Variants in PHLPP1 observed in about 807,000 individuals in gnomAD.
PHLPP1 encodes the protein PH domain leucine-rich repeat-containing protein phosphatase 1.
Under a neutral mutation model 117.2 loss-of-function variants are expected in PHLPP1, and 42 were observed. The observed-to-expected ratio is 0.36, with a 90% confidence interval of 0.28 to 0.46. The LOEUF (loss-of-function observed/expected upper bound fraction) is 0.46, where lower values mean the gene tolerates loss of function less well. PHLPP1 is among the 20% of genes least tolerant of loss of function. PHLPP1 has a pLI of 1.00. For missense variants in PHLPP1, 2,084 were observed against 2,241.9 expected (o/e 0.93, Z 1.42); for synonymous variants, 1,042 against 970.7 (o/e 1.07, Z -1.37).
Position 62,748,250 on chromosome 18 carries a change from T to G in PHLPP1, c.1576+30991T>G, listed in dbSNP as rs574149103. On this transcript the variant is annotated intron_variant, in intron 1 of 16. Transcript: ENST00000262719. Reference sequence around the variant, plus strand: ...AATTCAGGATAGGGTTTTTTTTGTTTTTTTTTTTTTTGAGATGAGGGTATC... The same window carrying G: ...AATTCAGGATAGGGTTTTTTTTGTTGTTTTTTTTTTTGAGATGAGGGTATC... 1.0e-3 allele frequency among the ~76,000 whole-genome samples: 154 copies of G among 151,054 alleles called. 1 individual carries two copies. The highest frequency in any genetic ancestry group is 3.5e-3 in the African/African-American group (144 of 41,158).
At chr18:62,894,722 T>A (rs1237111831) in intron 4 of PHLPP1, among the ~76,000 whole-genome samples, 1 of 152,224 alleles carries the variant, frequency 6.6e-6, no homozygotes, top group African/African-American at 2.4e-5. Flanking sequence ...CTAATTGAGA[T>A]ACTGCTAGAA....
intron 10 of PHLPP1, among the ~76,000 whole-genome samples, chr18:62,922,984 C>T (rs1033800464): frequency 6.6e-6 from 1 of 152,120 alleles, no homozygotes; most frequent in African/African-American, 2.4e-5. Context: ...GTGCAATTCC[C>T]AAACGGTACC....
intron 1 of PHLPP1, among the ~76,000 whole-genome samples, chr18:62,816,655 A>G (rs1914284517): frequency 1.3e-5 from 2 of 152,172 alleles, no homozygotes; most frequent in South Asian, 4.1e-4. Flanking sequence ...GTCTTTTGAA[A>G]TCTTTGCCAA....
intron 1 of PHLPP1, among the ~76,000 whole-genome samples, chr18:62,766,104 A>ATATATATATAT (rs1289379653): frequency 1.2e-4 from 5 of 40,978 alleles, no homozygotes; most frequent in African/African-American, 2.7e-4. Context: ...TATATATATA[A>ATATATATATAT]AATATATATA....
At chr18:62,932,071 A>G (rs556553837) in intron 10 of PHLPP1, among the ~76,000 whole-genome samples, 5 of 152,244 alleles carry the variant, frequency 3.3e-5, no homozygotes, top group African/African-American at 1.2e-4. Context: ...TTGAACCAGG[A>G]AGAAATCAAA....
intron 1 of PHLPP1, among the ~76,000 whole-genome samples, chr18:62,734,011 A>C (rs973340212): frequency 6.6e-6 from 1 of 152,208 alleles, no homozygotes. Flanking sequence ...TGGGTTAAGC[A>C]AATATTCGTT....
At chr18:62,770,173 T>G (rs1479828638) in intron 1 of PHLPP1, among the ~76,000 whole-genome samples, 2 of 152,212 alleles carry the variant, frequency 1.3e-5, no homozygotes, top group African/African-American at 4.8e-5. Context: ...TGCACTGGCA[T>G]GATCTTGGCT....
At chr18:62,802,759 C>A (rs904655525) in intron 1 of PHLPP1, among the ~76,000 whole-genome samples, 1 of 151,516 alleles carries the variant, frequency 6.6e-6, no homozygotes, top group African/African-American at 2.4e-5. Context: ...GAGCGTGGAA[C>A]TTACTTGGGC....
chr18:62,760,023 A>G (rs548160655), intron 1 of PHLPP1, among the ~76,000 whole-genome samples: 9 of 152,054 alleles, frequency 5.9e-5, no homozygotes, highest in Non-Finnish European at 1.3e-4. Flanking sequence ...TTGTCTTTGT[A>G]TTTCTGTTTC....
intron 3 of PHLPP1, among the ~76,000 whole-genome samples, chr18:62,857,110 GAAA>G (rs35250084): frequency 0.98 from 149,184 of 152,152 alleles, 73,198 homozygotes; most frequent in East Asian, 1. Context: ...GAATGAAAAT[GAAA>G]AAAAGTACAA....
At chr18:62,920,815 C>T (rs1909442116) in intron 10 of PHLPP1, among the ~76,000 whole-genome samples, 1 of 152,198 alleles carries the variant, frequency 6.6e-6, no homozygotes, top group South Asian at 2.1e-4. Flanking sequence ...CCCACCTTGG[C>T]CTCCCAAAAT....
chr18:62,751,407 C>A (rs901069873), intron 1 of PHLPP1, among the ~76,000 whole-genome samples: 7 of 152,224 alleles, frequency 4.6e-5, no homozygotes, highest in African/African-American at 1.7e-4. Context: ...CAACTTCCTC[C>A]TGCAATGTTT....
At chr18:62,811,718 T>C (rs1451084247) in intron 1 of PHLPP1, among the ~76,000 whole-genome samples, 2 of 152,162 alleles carry the variant, frequency 1.3e-5, no homozygotes, top group Admixed American at 6.5e-5. Context: ...AGGCTAATTA[T>C]AGGAGGTTTT....
At chr18:62,834,917 G>A (rs1041856622) in intron 2 of PHLPP1, among the ~76,000 whole-genome samples, 7 of 151,316 alleles carry the variant, frequency 4.6e-5, no homozygotes, top group African/African-American at 1.7e-4. Flanking sequence ...CTTGATATCT[G>A]TCAATTTGTT....
intron 1 of PHLPP1, among the ~76,000 whole-genome samples, chr18:62,758,066 C>G (rs1326889808): frequency 1.3e-5 from 2 of 152,174 alleles, no homozygotes; most frequent in Non-Finnish European, 2.9e-5. Context: ...ATGAGCGGAG[C>G]TTCTGCAAAT....
chr18:62,892,722 A>G (rs372473495), intron 4 of PHLPP1, among the ~76,000 whole-genome samples: 36 of 151,712 alleles, frequency 2.4e-4, no homozygotes, highest in African/African-American at 7.7e-4. Flanking sequence ...TAAAAATACA[A>G]AAAATTAGCC....
intron 12 of PHLPP1, among the ~76,000 whole-genome samples, chr18:62,947,347 C>A (rs1460102633): frequency 1.3e-5 from 2 of 152,198 alleles, no homozygotes; most frequent in Non-Finnish European, 2.9e-5. Context: ...CACATGCCCT[C>A]AATGTGGTTC....
chr18:62,900,882 G>A (rs1004355622), intron 6 of PHLPP1, among the ~76,000 whole-genome samples: 4 of 152,218 alleles, frequency 2.6e-5, no homozygotes, highest in African/African-American at 9.6e-5. Context: ...CACAGTTTAC[G>A]TATATTTCAA....
At chr18:62,863,373 T>G (rs774454960) in intron 4 of PHLPP1, among the ~76,000 whole-genome samples, 2 of 151,922 alleles carry the variant, frequency 1.3e-5, no homozygotes, top group East Asian at 3.9e-4. Context: ...ACAGCTAGAA[T>G]TTATATTTTT....
Sources: allele counts gnomAD v4.1 joint callset (sites outside exome capture counted in the v4.1 genomes callset), GRCh38; gene constraint gnomAD v4.1.1; transcripts MANE v1.5; gene names NCBI Gene and HGNC (gene_info 2026-07-23, HGNC 2026-07-21).